AAK1: variants seen among roughly 807,000 people sequenced by gnomAD.
AAK1 encodes the protein AP2 associated kinase 1, also known as AP2-associated protein kinase 1.
Under a neutral mutation model 116.0 loss-of-function variants are expected in AAK1, and 37 were observed. The observed-to-expected ratio is 0.32, with a 90% CI of 0.25 to 0.42. The LOEUF is 0.42. Ranked by LOEUF, AAK1 falls within the 10% of genes least tolerant of loss-of-function variation. The pLI is 1.00. For missense variants in AAK1, 919 were observed against 1,170.6 expected (o/e 0.79, Z 3.14); for synonymous variants, 458 against 439.9 (o/e 1.04, Z -0.51).
chr2:69,519,612 C>T (rs4458236), intron 11 of AAK1, among the ~76,000 whole-genome samples: 1 of 152,326 alleles, frequency 6.6e-6, no homozygotes, highest in African/African-American at 2.4e-5. Context: ...ACATCATTCC[C>T]TGGTGTTCTA....
intron 6 of AAK1, 153 bp downstream of exon 6, chr2:69,531,888 G>T: frequency 7.3e-7 from 1 of 1,370,646 alleles, no homozygotes; most frequent in Non-Finnish European, 9.9e-7. Flanking sequence ...TTCACTTAAA[G>T]TCAAACAACC....
intron 2 of AAK1, among the ~76,000 whole-genome samples, chr2:69,616,110 C>A (rs536935629): frequency 1.3e-3 from 193 of 152,134 alleles, no homozygotes; most frequent in African/African-American, 4.5e-3. Flanking sequence ...CCTTTTCGGG[C>A]GATGAAAATG....
intron 2 of AAK1, among the ~76,000 whole-genome samples, chr2:69,625,039 A>G (rs1441067706): frequency 6.6e-6 from 1 of 152,236 alleles, no homozygotes; most frequent in Non-Finnish European, 1.5e-5. Flanking sequence ...GTAAGTGTCA[A>G]ATGGTAAGCC....
rs757754282 is a variant in AAK1 at position 69,520,872 on chromosome 2, C to T, written c.1172G>A (p.Arg391Gln). 8.8e-6 allele frequency: 14 copies of T among 1,593,030 alleles called. No individual in the cohort carries two copies. Among genetic ancestry groups the T allele is most frequent in the South Asian group, 2.3e-5 (2 of 87,532 alleles). ...TGGGGGCTGAACAGTGGCCCTCTTCCGGGGTGTCAGCGCTGGCTGGATGGG... is the reference window on the plus strand; with the variant it reads ...TGGGGGCTGAACAGTGGCCCTCTTCTGGGGTGTCAGCGCTGGCTGGATGGG... ...ILPIQPALTPRKRATVQPPPQ... is the reference protein window; with the variant it reads ...ILPIQPALTPQKRATVQPPPQ... The change falls in exon 11 of 22, where the codon CGG (arginine) becomes CAG (glutamine). Residue 391 changes from arginine to glutamine, a missense_variant. Around this residue, in one of 4 missense-constraint regions of AAK1, gnomAD observed 317 missense variants for 490.4 expected, o/e 0.65. Coordinates refer to ENST00000409085, the MANE Select transcript of AAK1 (RefSeq NM_014911.5).
chr2:69,631,363 A>G (rs1675166639), intron 2 of AAK1, among the ~76,000 whole-genome samples: 2 of 152,256 alleles, frequency 1.3e-5, no homozygotes, highest in Non-Finnish European at 1.5e-5. Flanking sequence ...GACAGGCATC[A>G]TTATTTAAGC....
intron 16 of AAK1, 144 bp downstream of exon 16, chr2:69,505,425 T>C: frequency 2.4e-6 from 1 of 416,986 alleles, no homozygotes; most frequent in African/African-American, 2.1e-5. Context: ...TTAAATTAAA[T>C]AGACCATGAA....
At chr2:69,585,342 G>A (rs1177298877) in intron 2 of AAK1, among the ~76,000 whole-genome samples, 2 of 152,170 alleles carry the variant, frequency 1.3e-5, no homozygotes, top group Non-Finnish European at 2.9e-5. Context: ...GACTACAGGT[G>A]TGAGCCACTG....
intron 2 of AAK1, among the ~76,000 whole-genome samples, chr2:69,639,359 G>C (rs1441046603): frequency 6.6e-6 from 1 of 152,148 alleles, no homozygotes; most frequent in Admixed American, 6.5e-5. Context: ...ATCTTCCCTT[G>C]ATATCATATG....
chr2:69,637,512 C>A (rs1056816564), intron 2 of AAK1, among the ~76,000 whole-genome samples: 6 of 152,142 alleles, frequency 3.9e-5, no homozygotes, highest in African/African-American at 1.4e-4. Flanking sequence ...TCCACCACAC[C>A]AAAATATGGC....
chr2:69,531,417 G>GT (rs1479699860), intron 6 of AAK1, among the ~76,000 whole-genome samples: 2 of 152,210 alleles, frequency 1.3e-5, no homozygotes, highest in Non-Finnish European at 2.9e-5. Flanking sequence ...CAGGATGTAG[G>GT]TGTGCAGGCT....
Position 69,472,543 on chromosome 2 carries a change from T to G in AAK1, c.*3326A>C, listed in dbSNP as rs1443695082. ...GATGTCAAAATTCTGATATGTCTGC[T>G]AAAGAAATCATTAATTATAATAATT... On this transcript the variant is annotated 3_prime_UTR_variant, in exon 22 of 22. Transcript: ENST00000409085. 5.5e-6 allele frequency: 5 copies of G among 904,444 alleles called. No individual in the cohort carries two copies. The highest frequency in any genetic ancestry group is 5.3e-6 in the Non-Finnish European group (4 of 756,272). The allele number at this position is 904,444 out of a possible 1,614,324, so 56.0% of individuals were successfully genotyped here.
chr2:69,629,213 C>T (rs1675050304), intron 2 of AAK1, among the ~76,000 whole-genome samples: 1 of 152,220 alleles, frequency 6.6e-6, no homozygotes, highest in African/African-American at 2.4e-5. Context: ...TGTCTGCATG[C>T]TCACTACCCC....
At chr2:69,576,920 T>C (rs1672338602) in intron 2 of AAK1, among the ~76,000 whole-genome samples, 1 of 152,188 alleles carries the variant, frequency 6.6e-6, no homozygotes, top group African/African-American at 2.4e-5. Context: ...ACATGCAATA[T>C]CATTCTCCAC....
chr2:69,637,777 G>A lies in AAK1; in HGVS notation c.163+5101C>T, dbSNP rs534744774. ...GCTCTGATGCAGTAATATTTTTTGT[G>A]TGTTTTGTTAATATTTATCAAACCT... On this transcript the variant is annotated intron_variant, in intron 2 of 21. Coordinates refer to ENST00000409085, the MANE Select transcript of AAK1 (RefSeq NM_014911.5). 5.9e-5 allele frequency among the ~76,000 whole-genome samples: 9 copies of A among 152,134 alleles called. No homozygotes were observed. In the South Asian group the frequency reaches 1.7e-3, roughly 28 times the overall value.
intron 5 of AAK1, among the ~76,000 whole-genome samples, chr2:69,536,748 C>T (rs1469813685): frequency 6.6e-6 from 1 of 152,188 alleles, no homozygotes; most frequent in Non-Finnish European, 1.5e-5. Flanking sequence ...CTCCTACTGA[C>T]CTCTTCATCT....
intron 2 of AAK1, among the ~76,000 whole-genome samples, chr2:69,634,639 TG>T (rs1188258104): frequency 1.3e-5 from 2 of 152,212 alleles, no homozygotes; most frequent in African/African-American, 4.8e-5. Context: ...CTTGCAGTGA[TG>T]GGGTCTGTGG....
intron 2 of AAK1, among the ~76,000 whole-genome samples, chr2:69,610,954 T>C (rs1338680953): frequency 6.6e-6 from 1 of 152,146 alleles, no homozygotes; most frequent in East Asian, 1.9e-4. Context: ...CTGTGGAAAA[T>C]GGTATGCCAA....
At chr2:69,639,711 G>C (rs966520477) in intron 2 of AAK1, among the ~76,000 whole-genome samples, 4 of 152,158 alleles carry the variant, frequency 2.6e-5, no homozygotes, top group African/African-American at 9.7e-5. Context: ...TCTGGTCTGT[G>C]TTTTGAAGCC....
At position 69,466,610 on chromosome 2, in the gene AAK1, T is replaced by C. The variant is rs147319412; in HGVS notation, c.*9259A>G. 344 of 1,107,954 alleles carry C rather than the reference T, an allele frequency of 3.1e-4. No individual in the cohort carries two copies. The African/African-American group carries it at 5.0e-3, about 16-fold the overall frequency. The allele number at this position is 1,107,954 out of a possible 1,614,324, so 68.6% of individuals were successfully genotyped here. A position where few individuals can be genotyped will look rare whatever the true frequency, so the allele number is the denominator to read the frequency against. On this transcript the variant is annotated 3_prime_UTR_variant, in exon 22 of 22. Coordinates refer to ENST00000409085, the MANE Select transcript of AAK1 (RefSeq NM_014911.5). ...GGTCAATTCAACTCTATTTGGAACA[T>C]TTAATGGTCAACCCGCGGCAAAAAC...
Sources: allele counts gnomAD v4.1 joint callset (sites outside exome capture counted in the v4.1 genomes callset), GRCh38; gene constraint gnomAD v4.1.1; regional missense constraint gnomAD v4.1.1; transcripts MANE v1.5; gene names NCBI Gene and HGNC (gene_info 2026-07-23, HGNC 2026-07-21).